WDFY2: variants seen among roughly 807,000 people sequenced by gnomAD.
WDFY2 encodes the protein WD repeat and FYVE domain containing 2.
A neutral mutation model predicts 56.4 loss-of-function variants in WDFY2; 36 were observed. That is an observed-to-expected ratio of 0.64 (90% CI 0.49 to 0.84). The LOEUF (loss-of-function observed/expected upper bound fraction) is 0.84. Among genes scored for constraint, WDFY2 ranks in the 40% least tolerant of loss-of-function variants. The pLI, the probability that WDFY2 is intolerant of heterozygous loss-of-function variation, is 0.00. For missense variants in WDFY2, 444 were observed against 512.2 expected (o/e 0.87, Z 1.29); for synonymous variants, 176 against 183.7 (o/e 0.96, Z 0.34).
chr13:51,742,058 C>T lies in WDFY2; in HGVS notation c.725+2883C>T, dbSNP rs148436628. On this transcript the variant is annotated intron_variant, in intron 7 of 11. Coordinates refer to ENST00000298125, the MANE Select transcript of WDFY2 (RefSeq NM_052950.4). ...GGGCATAATTGGTGAGCCTGGAAAC[C>T]GGGGAGAGCAGACTGGCCTCCCCAG... Among the ~76,000 whole-genome samples, 449 of 152,276 alleles carry T rather than the reference C, an allele frequency of 2.9e-3. 2 individuals are homozygous for T. Among genetic ancestry groups the T allele is most frequent in the African/African-American group, 0.01 (422 of 41,566 alleles).
At chr13:51,682,661 C>T (rs944779665) in intron 3 of WDFY2, among the ~76,000 whole-genome samples, 1 of 151,956 alleles carries the variant, frequency 6.6e-6, no homozygotes, top group Admixed American at 6.6e-5. Context: ...ATAGTTGTAC[C>T]AATTTTATAG....
At chr13:51,590,603 A>T (rs1954024253) in intron 1 of WDFY2, 1 of 152,234 alleles carries the variant, frequency 6.6e-6, no homozygotes. Flanking sequence ...TAAATTGTGT[A>T]CAGTATATAC....
At chr13:51,659,583 C>T (rs553845832) in intron 1 of WDFY2, among the ~76,000 whole-genome samples, 42 of 152,302 alleles carry the variant, frequency 2.8e-4, no homozygotes, top group African/African-American at 9.9e-4. Context: ...ATGGTCGGGC[C>T]TTTTTGTTTG....
At position 51,667,879 on chromosome 13, in the gene WDFY2, C is replaced by CTTTT. The variant is rs66771214; in HGVS notation, c.205+7243_205+7246dup. ...GAAGAAAAAGGTACCTGAGGAACTT[C>CTTTT]TTTTTTTTTTTTTTTTTTTTTTTTT... On this transcript the variant is annotated intron_variant, in intron 2 of 11. Coordinates refer to ENST00000298125, the MANE Select transcript of WDFY2 (RefSeq NM_052950.4). 3.6e-3 allele frequency among the ~76,000 whole-genome samples: 182 copies of CTTTT among 50,064 alleles called. 25 individuals carry two copies. The highest frequency in any genetic ancestry group is 0.011 in the African/African-American group (107 of 10,032). The allele number at this position is 50,064 out of a possible 152,430, so 32.8% of individuals were successfully genotyped here. A position where few individuals can be genotyped will look rare whatever the true frequency, so the allele number is the denominator to read the frequency against.
At chr13:51,751,633 T>C (rs896168794) in intron 8 of WDFY2, 19 of 527,836 alleles carry the variant, frequency 3.6e-5, no homozygotes, top group Non-Finnish European at 6.2e-5. Context: ...TGACTGAGAC[T>C]AAGCTGTTTA....
At chr13:51,656,897 C>T (rs1049717476) in intron 1 of WDFY2, among the ~76,000 whole-genome samples, 1 of 151,954 alleles carries the variant, frequency 6.6e-6, no homozygotes, top group African/African-American at 2.4e-5. Flanking sequence ...ATTTAAGTAG[C>T]AAAAAGTTGG....
chr13:51,598,937 T>A (rs1332863537), intron 1 of WDFY2, among the ~76,000 whole-genome samples: 1 of 138,060 alleles, frequency 7.2e-6, no homozygotes, highest in Non-Finnish European at 1.5e-5. Flanking sequence ...TGAGACAGAG[T>A]CTCGCTCTGT....
At chr13:51,741,969 C>T (rs1386991791) in intron 7 of WDFY2, among the ~76,000 whole-genome samples, 1 of 152,184 alleles carries the variant, frequency 6.6e-6, no homozygotes, top group African/African-American at 2.4e-5. Context: ...GGCCTCAAGG[C>T]TGCCCTTTGC....
At chr13:51,598,234 C>T (rs1954191096) in intron 1 of WDFY2, among the ~76,000 whole-genome samples, 1 of 151,920 alleles carries the variant, frequency 6.6e-6, no homozygotes, top group Non-Finnish European at 1.5e-5. Context: ...GTGGCGGGCA[C>T]CTGTAATCCC....
intron 1 of WDFY2, among the ~76,000 whole-genome samples, chr13:51,647,897 A>C (rs1033328944): frequency 1.3e-5 from 2 of 152,166 alleles, no homozygotes; most frequent in African/African-American, 2.4e-5. Context: ...GAGTCAGTTT[A>C]GCAACTGTGT....
At chr13:51,603,055 A>AT (rs1954317113) in intron 1 of WDFY2, among the ~76,000 whole-genome samples, 1 of 152,140 alleles carries the variant, frequency 6.6e-6, no homozygotes, top group South Asian at 2.1e-4. Context: ...GAGTTCAAGC[A>AT]TATAGGCCTG....
intron 4 of WDFY2, among the ~76,000 whole-genome samples, chr13:51,718,173 G>A (rs1314536412): frequency 1.3e-5 from 2 of 152,288 alleles, no homozygotes; most frequent in East Asian, 3.9e-4. Flanking sequence ...CCTCACCACA[G>A]TCATGATGAG....
At chr13:51,585,876 C>T in intron 1 of WDFY2, 1 of 396,224 alleles carries the variant, frequency 2.5e-6, no homozygotes, top group East Asian at 3.6e-5. Flanking sequence ...CATTTCCGCA[C>T]TTAGCATAGT....
chr13:51,679,285 G>T (rs1451063865), intron 3 of WDFY2, among the ~76,000 whole-genome samples: 1 of 152,118 alleles, frequency 6.6e-6, no homozygotes, highest in Non-Finnish European at 1.5e-5. Flanking sequence ...ATTGCTATAG[G>T]ATAGTATAGG....
intron 1 of WDFY2, among the ~76,000 whole-genome samples, 156 bp downstream of exon 1, chr13:51,584,980 G>A (rs1226137387): frequency 1.3e-5 from 2 of 152,222 alleles, no homozygotes; most frequent in African/African-American, 4.8e-5. Flanking sequence ...GTGTTCAGCT[G>A]CGCGCCGCCT....
chr13:51,719,983 T>C (rs1186433979), intron 5 of WDFY2, among the ~76,000 whole-genome samples: 6 of 152,202 alleles, frequency 3.9e-5, no homozygotes, highest in African/African-American at 1.4e-4. Context: ...GCTGCCCGAC[T>C]AGGCTCCGGC....
At chr13:51,684,670 A>G (rs1295479661) in intron 3 of WDFY2, among the ~76,000 whole-genome samples, 2 of 152,080 alleles carry the variant, frequency 1.3e-5, no homozygotes, top group Non-Finnish European at 2.9e-5. Context: ...AATGGCATCA[A>G]TGAGTAACTC....
intron 1 of WDFY2, among the ~76,000 whole-genome samples, chr13:51,620,153 C>G (rs554006043): frequency 4.2e-4 from 53 of 126,106 alleles, no homozygotes; most frequent in Middle Eastern, 5.6e-3. Context: ...GATAAATGTT[C>G]CTTTTAAAAA....
intron 1 of WDFY2, among the ~76,000 whole-genome samples, chr13:51,659,520 A>G (rs1418773940): frequency 6.6e-6 from 1 of 151,888 alleles, no homozygotes. Context: ...TCAACCTCCT[A>G]CTTGTGTTTG....
Sources: allele counts gnomAD v4.1 joint callset (sites outside exome capture counted in the v4.1 genomes callset), GRCh38; gene constraint gnomAD v4.1.1; transcripts MANE v1.5; gene names NCBI Gene and HGNC (gene_info 2026-07-23, HGNC 2026-07-21).